CACNA2D3: variants seen among roughly 807,000 people sequenced by gnomAD.
CACNA2D3 encodes calcium voltage-gated channel auxiliary subunit alpha2delta 3.
Under a neutral mutation model 160.6 loss-of-function variants are expected in CACNA2D3, and 60 were observed. The observed-to-expected ratio is 0.37, with a 90% CI of 0.30 to 0.46. CACNA2D3 has a LOEUF of 0.46. Among genes scored for constraint, CACNA2D3 ranks in the 20% least tolerant of loss-of-function variants. The pLI is 1.00. For synonymous variants in CACNA2D3, 558 were observed against 492.9 expected (o/e 1.13, Z -1.75); for missense variants, 1,205 against 1,365.0 (o/e 0.88, Z 1.85).
At chr3:54,515,462 C>T (rs1701535724) in intron 5 of CACNA2D3, among the ~76,000 whole-genome samples, 1 of 152,178 alleles carries the variant, frequency 6.6e-6, no homozygotes, top group Admixed American at 6.6e-5. Context: ...GGAAATACGC[C>T]TGCATGTAAA....
At chr3:54,379,465 TCAGCTATGACTCTAACTGCAGTTG>T (rs1320989785) in intron 3 of CACNA2D3, among the ~76,000 whole-genome samples, 1 of 152,266 alleles carries the variant, frequency 6.6e-6, no homozygotes, top group African/African-American at 2.4e-5. Flanking sequence ...TATTAAGGTT[TCAGCTATGACTCTAACTGCAGTTG>T]CAGCATTGCA....
intron 2 of CACNA2D3, among the ~76,000 whole-genome samples, chr3:54,215,077 C>G (rs998083390): frequency 1.3e-5 from 2 of 152,188 alleles, no homozygotes; most frequent in African/African-American, 4.8e-5. Flanking sequence ...TCCACACTCT[C>G]CAAGTTGATG....
intron 5 of CACNA2D3, among the ~76,000 whole-genome samples, chr3:54,538,043 G>A (rs914249136): frequency 3.3e-5 from 5 of 152,138 alleles, no homozygotes; most frequent in African/African-American, 4.8e-5. Context: ...GCACAGTCAC[G>A]TGAGTGTCCA....
At chr3:54,300,749 T>C (rs1409465448) in intron 2 of CACNA2D3, among the ~76,000 whole-genome samples, 1 of 152,160 alleles carries the variant, frequency 6.6e-6, no homozygotes, top group African/African-American at 2.4e-5. Flanking sequence ...GTGTGGTGGC[T>C]AACATCTGTA....
intron 35 of CACNA2D3, among the ~76,000 whole-genome samples, chr3:55,043,276 T>G (rs1703996901): frequency 6.6e-6 from 1 of 152,082 alleles, no homozygotes; most frequent in Non-Finnish European, 1.5e-5. Context: ...GCTCTTGGTA[T>G]TATTCATTCC....
intron 4 of CACNA2D3, among the ~76,000 whole-genome samples, chr3:54,449,208 A>G (rs1180318138): frequency 4.6e-5 from 7 of 152,210 alleles, no homozygotes; most frequent in Admixed American, 6.5e-5. Flanking sequence ...GAGTGAATGG[A>G]CAAACCACAA....
At chr3:54,175,996 C>T (rs898486855) in intron 2 of CACNA2D3, among the ~76,000 whole-genome samples, 1 of 152,190 alleles carries the variant, frequency 6.6e-6, no homozygotes, top group African/African-American at 2.4e-5. Flanking sequence ...AATGAAAACT[C>T]AGGGAAGGGA....
At chr3:54,973,932 G>A (rs1702329038) in intron 29 of CACNA2D3, among the ~76,000 whole-genome samples, 1 of 152,164 alleles carries the variant, frequency 6.6e-6, no homozygotes, top group African/African-American at 2.4e-5. Flanking sequence ...CTGATGTACA[G>A]AGATTCAGGC....
At chr3:54,662,548 C>G (rs2106883711) in intron 11 of CACNA2D3, among the ~76,000 whole-genome samples, 1 of 152,278 alleles carries the variant, frequency 6.6e-6, no homozygotes, top group South Asian at 2.1e-4. Flanking sequence ...TGTTGGTGGC[C>G]CCGTCCATAG....
chr3:54,350,701 A>G (rs923255254), intron 3 of CACNA2D3, among the ~76,000 whole-genome samples: 4 of 152,174 alleles, frequency 2.6e-5, no homozygotes, highest in African/African-American at 9.7e-5. Context: ...AACCCAGGCA[A>G]ATGCTCCACA....
chr3:54,476,175 C>T (rs2106886735), intron 4 of CACNA2D3, among the ~76,000 whole-genome samples: 1 of 147,646 alleles, frequency 6.8e-6, no homozygotes, highest in Non-Finnish European at 1.5e-5. Context: ...GGTAGCATTT[C>T]CTTCTTTTTA....
chr3:54,659,020 A>C (rs1490291890), intron 11 of CACNA2D3, among the ~76,000 whole-genome samples: 1 of 151,622 alleles, frequency 6.6e-6, no homozygotes, highest in African/African-American at 2.4e-5. Flanking sequence ...ACTTACTCTA[A>C]CTTCCTTCAT....
chr3:54,626,706 A>C, intron 9 of CACNA2D3: 1 of 705,760 alleles, frequency 1.4e-6, no homozygotes, highest in Non-Finnish European at 2.4e-6. Flanking sequence ...AAAAAAAAAA[A>C]AAAGAAAGAA....
chr3:54,816,831 T>G (rs1480937529), intron 13 of CACNA2D3, 22 bp from the exon 14 acceptor site: 1 of 1,611,766 alleles, frequency 6.2e-7, no homozygotes, highest in Admixed American at 1.7e-5. Flanking sequence ...CTTTTTTGTT[T>G]TGTTTTGTTT....
In CACNA2D3 at chr3:54,203,350, G is replaced by T. The variant is rs1195661020; in HGVS notation, c.204+79756G>T. Among the ~76,000 whole-genome samples, 4 of 152,346 alleles carry T rather than the reference G, an allele frequency of 2.6e-5. No individual in the cohort carries two copies. The East Asian group carries it at 5.8e-4, about 22-fold the overall frequency. On this transcript the variant is annotated intron_variant, in intron 2 of 37. Coordinates refer to ENST00000474759, the MANE Select transcript of CACNA2D3 (RefSeq NM_018398.3). ...ACAGATGGGCAGGCTGTGGGGCTCT[G>T]ACTCCATGGCGGTGTCTAGGGGTGA...
intron 31 of CACNA2D3, among the ~76,000 whole-genome samples, chr3:54,991,133 C>G (rs1034771210): frequency 2.0e-5 from 3 of 152,090 alleles, no homozygotes; most frequent in South Asian, 2.1e-4. Flanking sequence ...TCCAGTAACT[C>G]TGAGACAGGC....
chr3:55,055,726 A>G (rs1704344305), intron 35 of CACNA2D3, among the ~76,000 whole-genome samples: 1 of 152,082 alleles, frequency 6.6e-6, no homozygotes, highest in South Asian at 2.1e-4. Context: ...TTCTTTCATC[A>G]ATGTTTAATA....
intron 3 of CACNA2D3, among the ~76,000 whole-genome samples, chr3:54,372,011 ATAT>A (rs1698933488): frequency 6.6e-6 from 1 of 152,226 alleles, no homozygotes; most frequent in Non-Finnish European, 1.5e-5. Flanking sequence ...GTTATAACAA[ATAT>A]TTATCATTTT....
At chr3:54,824,556 C>G (rs755547589) in intron 14 of CACNA2D3, among the ~76,000 whole-genome samples, 2 of 152,204 alleles carry the variant, frequency 1.3e-5, no homozygotes, top group Non-Finnish European at 2.9e-5. Flanking sequence ...GCAAAGGAGC[C>G]CATCGCTCTT....
Sources: allele counts gnomAD v4.1 joint callset (sites outside exome capture counted in the v4.1 genomes callset), GRCh38; gene constraint gnomAD v4.1.1; transcripts MANE v1.5; gene names NCBI Gene and HGNC (gene_info 2026-07-23, HGNC 2026-07-21).